Variants in EPS15 observed in about 807,000 individuals in gnomAD.
EPS15 encodes epidermal growth factor receptor pathway substrate 15, also known as epidermal growth factor receptor substrate 15.
A neutral mutation model predicts 113.8 loss-of-function variants in EPS15; 72 were observed. The observed-to-expected ratio is 0.63, with a 90% CI of 0.52 to 0.77. The LOEUF is 0.77. Ranked by LOEUF, EPS15 falls within the 30% of genes least tolerant of loss-of-function variation. The pLI is 0.00. For synonymous variants in EPS15, 344 were observed against 363.4 expected (o/e 0.95, Z 0.61); for missense variants, 1,048 against 1,045.8 (o/e 1.00, Z -0.03).
At chr1:51,361,141 T>TC (rs749227880) in intron 24 of EPS15, 30 bp downstream of exon 24, 2 of 1,525,298 alleles carry the variant, frequency 1.3e-6, no homozygotes, top group South Asian at 2.4e-5. Context: ...TAAAGATTTC[T>TC]CCCCCAAACA....
chr1:51,506,625 T>C (rs1213000860), intron 1 of EPS15, among the ~76,000 whole-genome samples: 3 of 151,942 alleles, frequency 2.0e-5, no homozygotes, highest in Non-Finnish European at 2.9e-5. Context: ...TCTGAGGGTA[T>C]AAAGCAGAAA....
intron 12 of EPS15, among the ~76,000 whole-genome samples, chr1:51,434,304 C>T (rs1347910351): frequency 6.6e-6 from 1 of 152,216 alleles, no homozygotes; most frequent in South Asian, 2.1e-4. Context: ...AAATGTCCAT[C>T]AATAGATGAA....
chr1:51,357,762 A>C (rs892684689), intron 24 of EPS15, among the ~76,000 whole-genome samples: 2 of 146,792 alleles, frequency 1.4e-5, no homozygotes, highest in African/African-American at 5.0e-5. Flanking sequence ...TTTTTGAGAC[A>C]GAGTTTTCGC....
At chr1:51,388,321 G>C (rs1647150054) in intron 21 of EPS15, among the ~76,000 whole-genome samples, 1 of 152,216 alleles carries the variant, frequency 6.6e-6, no homozygotes, top group Non-Finnish European at 1.5e-5. Context: ...ATTCAAAGCA[G>C]TGTGTAGAGG....
intron 21 of EPS15, among the ~76,000 whole-genome samples, chr1:51,383,865 T>C (rs1237908431): frequency 6.6e-6 from 1 of 152,136 alleles, no homozygotes; most frequent in Non-Finnish European, 1.5e-5. Context: ...AAAAAACAAT[T>C]AGAACTAATA....
intron 19 of EPS15, 107 bp downstream of exon 19, chr1:51,400,811 G>A: frequency 1.8e-6 from 1 of 545,464 alleles, no homozygotes; most frequent in Non-Finnish European, 3.2e-6. Context: ...AAAATGCCAG[G>A]CACATAGAGC....
chr1:51,447,613 C>T (rs1486075709), intron 9 of EPS15, among the ~76,000 whole-genome samples: 1 of 151,772 alleles, frequency 6.6e-6, no homozygotes, highest in Non-Finnish European at 1.5e-5. Context: ...CCCAAAGAAT[C>T]AAGAGTTAAC....
At chr1:51,376,711 C>T (rs1008133333) in intron 21 of EPS15, among the ~76,000 whole-genome samples, 6 of 152,232 alleles carry the variant, frequency 3.9e-5, no homozygotes, top group Admixed American at 3.9e-4. Context: ...ACTGACAATG[C>T]ACCTAAGTCA....
chr1:51,435,073 A>C (rs990507390), intron 12 of EPS15, among the ~76,000 whole-genome samples: 1 of 152,148 alleles, frequency 6.6e-6, no homozygotes, highest in African/African-American at 2.4e-5. Flanking sequence ...AACATGTGAA[A>C]AAAAAGAAAA....
At chr1:51,364,415 C>A (rs1483675350) in intron 22 of EPS15, among the ~76,000 whole-genome samples, 1 of 152,002 alleles carries the variant, frequency 6.6e-6, no homozygotes, top group Non-Finnish European at 1.5e-5. Flanking sequence ...GGATTCCATA[C>A]GTCCTAATGA....
At position 51,399,039 on chromosome 1, in the gene EPS15, A is replaced by G. The variant is rs1249101883; in HGVS notation, c.2045T>C (p.Ile682Thr). The G allele has an allele frequency of 1.2e-5, 20 of 1,612,978 alleles. No homozygotes were observed. Among genetic ancestry groups the G allele is most frequent in the Non-Finnish European group, 1.6e-5 (19 of 1,179,594 alleles). The change falls in exon 20 of 25, where the codon ATT (isoleucine) becomes ACT (threonine). Residue 682 changes from isoleucine to threonine, a missense_variant. Physicochemically the swap from Ile to Thr is moderately conservative, Grantham distance 89. Coordinates refer to ENST00000371733, the MANE Select transcript of EPS15 (RefSeq NM_001981.3). ...TTTAATTCTCCCACTTACCGATGTA[A>G]TACTGCTATTGTTGGCTGCACTGAA... is the stretch of plus-strand genomic sequence containing the variant. ...DPFSAANNSS[I>T]TSVETLKHND...
intron 12 of EPS15, among the ~76,000 whole-genome samples, chr1:51,438,841 C>A (rs1557470120): frequency 6.6e-6 from 1 of 151,886 alleles, no homozygotes; most frequent in Non-Finnish European, 1.5e-5. Context: ...AATACTGTCT[C>A]TTAACGTGAT....
chr1:51,376,278 T>C (rs1204791740), intron 21 of EPS15, among the ~76,000 whole-genome samples: 4 of 152,196 alleles, frequency 2.6e-5, no homozygotes, highest in Non-Finnish European at 5.9e-5. Context: ...TAACAAAGCC[T>C]GGATGACAGC....
At chr1:51,473,060 TGAGAA>T in intron 2 of EPS15, 112 bp from the exon 3 acceptor site, 1 of 782,992 alleles carries the variant, frequency 1.3e-6, no homozygotes, top group Non-Finnish European at 2.2e-6. Flanking sequence ...AAGAAAGGAA[TGAGAA>T]TCCTTTGACT....
chr1:51,381,391 G>C (rs973728864), intron 21 of EPS15, among the ~76,000 whole-genome samples: 8 of 152,058 alleles, frequency 5.3e-5, no homozygotes, highest in African/African-American at 1.9e-4. Flanking sequence ...TCAGGAGTTC[G>C]AGACCAGCCT....
chr1:51,508,352 G>GAA (rs1275566360), intron 1 of EPS15, among the ~76,000 whole-genome samples: 2 of 146,016 alleles, frequency 1.4e-5, no homozygotes, highest in South Asian at 4.2e-4. Context: ...AAGAAAGAAA[G>GAA]AAAGAAAGAA....
chr1:51,508,338 G>GAAAGAAAGAAAGAA (rs745757925), intron 1 of EPS15, among the ~76,000 whole-genome samples: 9 of 122,330 alleles, frequency 7.4e-5, no homozygotes, highest in African/African-American at 1.6e-4. Flanking sequence ...AAGAGAAAGA[G>GAAAGAAAGAAAGAA]AGAAAGAAAG....
intron 21 of EPS15, among the ~76,000 whole-genome samples, chr1:51,374,402 A>G (rs978749438): frequency 7.9e-5 from 12 of 152,140 alleles, no homozygotes; most frequent in Non-Finnish European, 1.6e-4. Flanking sequence ...GGATCACCTG[A>G]GGTCAGGGCT....
intron 12 of EPS15, among the ~76,000 whole-genome samples, chr1:51,425,904 T>C (rs1012931662): frequency 3.9e-5 from 6 of 152,320 alleles, no homozygotes; most frequent in Admixed American, 3.3e-4. Context: ...AAAGGAATTA[T>C]GGGTTATAAA....
Sources: allele counts gnomAD v4.1 joint callset (sites outside exome capture counted in the v4.1 genomes callset), GRCh38; gene constraint gnomAD v4.1.1; transcripts MANE v1.5; gene names NCBI Gene and HGNC (gene_info 2026-07-23, HGNC 2026-07-21).